Variants in JPH3 observed in about 807,000 individuals in gnomAD.
JPH3 encodes junctophilin 3, also known as junctophilin-3.
A neutral mutation model predicts 59.6 loss-of-function variants in JPH3; 11 were observed. The ratio of observed to expected loss-of-function variants is 0.18; its 90% CI spans 0.12 to 0.31. The LOEUF is 0.31. JPH3 is among the 10% of genes least tolerant of loss of function. The probability of loss-of-function intolerance (pLI) is 1.00; values close to 1 mark genes in which losing one functional copy is unlikely to be tolerated. For missense variants in JPH3, 1,202 were observed against 1,105.7 expected (o/e 1.09, Z -1.24); for synonymous variants, 673 against 483.6 (o/e 1.39, Z -5.14).
chr16:87,634,926 A>G (rs2031684955), intron 1 of JPH3, among the ~76,000 whole-genome samples: 1 of 152,196 alleles, frequency 6.6e-6, no homozygotes, highest in Non-Finnish European at 1.5e-5. Flanking sequence ...TCTCTGCCTC[A>G]GTTTCCTTCT....
chr16:87,696,536 C>G (rs1184074793), intron 4 of JPH3, 44 bp from the exon 5 acceptor site: 1 of 1,539,566 alleles, frequency 6.5e-7, no homozygotes, highest in Admixed American at 1.7e-5. Flanking sequence ...CCAGGCAGAG[C>G]CCCCCGCAGC....
At chr16:87,627,444 A>C (rs967396963) in intron 1 of JPH3, among the ~76,000 whole-genome samples, 1 of 152,154 alleles carries the variant, frequency 6.6e-6, no homozygotes, top group Non-Finnish European at 1.5e-5. Context: ...GATTTTATGT[A>C]GTAGACACAC....
chr16:87,677,844 C>T (rs114428346), intron 2 of JPH3, among the ~76,000 whole-genome samples: 6 of 152,196 alleles, frequency 3.9e-5, no homozygotes, highest in Non-Finnish European at 5.9e-5. Flanking sequence ...ATTGTGTAAA[C>T]GAGGTAAAGC....
rs769191498 is a variant in JPH3, at chr16:87,644,292, C to T, written c.417C>T (p.Arg139=). 1.1e-5 allele frequency: 17 copies of T among 1,611,712 alleles called. No individual in the cohort carries two copies. Among genetic ancestry groups the T allele is most frequent in the Non-Finnish European group, 5.1e-6 (6 of 1,179,406 alleles). Residue 139 remains arginine (R), a synonymous_variant, in exon 2 of 5, where the codon CGC becomes CGT. Coordinates refer to ENST00000284262, the MANE Select transcript of JPH3 (RefSeq NM_020655.4). ...TYQGQWVGGM[R]QGYGVRQSVP... The stretch of plus-strand genomic sequence containing the variant: ...AGGGCCAGTGGGTCGGTGGCATGCG[C>T]CAGGGCTACGGCGTCCGGCAGAGCG...
intron 1 of JPH3, among the ~76,000 whole-genome samples, chr16:87,617,191 C>T (rs1159883573): frequency 1.3e-5 from 2 of 151,782 alleles, no homozygotes; most frequent in African/African-American, 2.4e-5. Flanking sequence ...CCGTTGCACT[C>T]CAGCCTGGGT....
chr16:87,616,337 C>G (rs1249109657), intron 1 of JPH3, among the ~76,000 whole-genome samples: 1 of 151,044 alleles, frequency 6.6e-6, no homozygotes, highest in Non-Finnish European at 1.5e-5. Flanking sequence ...GGGTTCACGC[C>G]GTTCTCCTGC....
chr16:87,620,443 A>G (rs1345509104), intron 1 of JPH3, among the ~76,000 whole-genome samples: 13 of 129,316 alleles, frequency 1.0e-4, no homozygotes, highest in African/African-American at 3.7e-4. Context: ...GGGGAGGGAG[A>G]GAGAGAGAGA....
chr16:87,688,905 G>A (rs542082211), intron 3 of JPH3, among the ~76,000 whole-genome samples: 5 of 152,174 alleles, frequency 3.3e-5, no homozygotes, highest in Non-Finnish European at 7.4e-5. Flanking sequence ...TCCTGCTGGG[G>A]GCTCACGGAG....
intron 2 of JPH3, chr16:87,655,113 A>T (rs1050396637): frequency 6.6e-6 from 1 of 152,084 alleles, no homozygotes. Flanking sequence ...TTCTCCTTGA[A>T]GGTCTGGCAG....
intron 1 of JPH3, among the ~76,000 whole-genome samples, chr16:87,643,544 A>G (rs2032026638): frequency 6.6e-6 from 1 of 152,214 alleles, no homozygotes; most frequent in African/African-American, 2.4e-5. Flanking sequence ...AGAGCAGCCC[A>G]TTCAGGGCTT....
At position 87,690,238 on chromosome 16, in the gene JPH3, G is replaced by C; in HGVS notation, c.1878G>C (p.Gln626His). Residue 626 changes from glutamine to histidine, a missense_variant, in exon 4 of 5, where the codon CAG (glutamine) becomes CAC (histidine). Physicochemically the swap from Gln to His is conservative, Grantham distance 24. Coordinates refer to ENST00000284262, the MANE Select transcript of JPH3 (RefSeq NM_020655.4). ...TGCTGAGGATGGAGACGCATCCCCA[G>C]AAAAGACGCTACAGCAAGGGCGGCG... ...KPLLRMETHP[Q>H]KRRYSKGGAC... 6.2e-7 allele frequency: 1 copy of C among 1,605,110 alleles called. No homozygotes were observed. Among genetic ancestry groups the C allele is most frequent in the Non-Finnish European group, 8.5e-7 (1 of 1,176,390 alleles).
intron 1 of JPH3, among the ~76,000 whole-genome samples, chr16:87,629,807 C>G (rs2031504606): frequency 6.6e-6 from 1 of 152,020 alleles, no homozygotes; most frequent in Non-Finnish European, 1.5e-5. Flanking sequence ...AGGCGTGGAC[C>G]CTGATGAAAA....
At chr16:87,682,836 GC>G (rs890358910) in intron 2 of JPH3, among the ~76,000 whole-genome samples, 1 of 152,128 alleles carries the variant, frequency 6.6e-6, no homozygotes, top group African/African-American at 2.4e-5. Context: ...CCACTGGCAG[GC>G]CCCCCCGGGG....
At chr16:87,645,616 C>T (rs1164569664) in intron 2 of JPH3, among the ~76,000 whole-genome samples, 2 of 152,148 alleles carry the variant, frequency 1.3e-5, no homozygotes, top group Non-Finnish European at 2.9e-5. Flanking sequence ...GCATGACTTA[C>T]GGAATTTGGG....
intron 1 of JPH3, among the ~76,000 whole-genome samples, chr16:87,642,408 G>C (rs1280545140): frequency 6.6e-6 from 1 of 152,246 alleles, no homozygotes; most frequent in Non-Finnish European, 1.5e-5. Flanking sequence ...GGGGTGGCCA[G>C]GTCCTCATTT....
chr16:87,638,087 T>C (rs1422619010), intron 1 of JPH3, among the ~76,000 whole-genome samples: 1 of 152,090 alleles, frequency 6.6e-6, no homozygotes, highest in Non-Finnish European at 1.5e-5. Flanking sequence ...GCCCTGCTAA[T>C]TTTTATAGTT....
chr16:87,629,739 ACT>A (rs1311699290), intron 1 of JPH3, among the ~76,000 whole-genome samples: 8 of 151,880 alleles, frequency 5.3e-5, no homozygotes, highest in Admixed American at 3.3e-4. Flanking sequence ...CAGTCATACT[ACT>A]CTGAGATACT....
At chr16:87,687,592 G>A (rs1447896551) in intron 3 of JPH3, among the ~76,000 whole-genome samples, 2 of 152,182 alleles carry the variant, frequency 1.3e-5, no homozygotes, top group African/African-American at 2.4e-5. Context: ...AGGACTGAGC[G>A]TCGGAGGCTG....
At chr16:87,696,344 A>C in intron 4 of JPH3, 1 of 570,310 alleles carries the variant, frequency 1.8e-6, no homozygotes. Context: ...TTCCAAGGGA[A>C]TTCCAGGACC....
Sources: allele counts gnomAD v4.1 joint callset (sites outside exome capture counted in the v4.1 genomes callset), GRCh38; gene constraint gnomAD v4.1.1; transcripts MANE v1.5; gene names NCBI Gene and HGNC (gene_info 2026-07-23, HGNC 2026-07-21).